Variants in ABTB3 observed in about 807,000 individuals in gnomAD.
ABTB3 encodes ankyrin repeat and BTB domain containing 3.
the ABTB3 span, among the ~76,000 whole-genome samples, chr12:107,453,038 G>T: frequency 6.6e-6 from 1 of 152,138 alleles, no homozygotes; most frequent in Non-Finnish European, 1.5e-5. Context: ...GAGGACAAAA[G>T]GTAGAGAAAG....
At chr12:107,529,860 C>G in the ABTB3 span, among the ~76,000 whole-genome samples, 1 of 152,138 alleles carries the variant, frequency 6.6e-6, no homozygotes. Context: ...GAGGCATGGT[C>G]TCTGCTTTTG....
the ABTB3 span, among the ~76,000 whole-genome samples, chr12:107,320,999 G>T: frequency 6.6e-6 from 1 of 152,166 alleles, no homozygotes; most frequent in Admixed American, 6.5e-5. Context: ...AAGGGGGTGG[G>T]GCCGGGGCGC....
At chr12:107,332,128 C>T in the ABTB3 span, among the ~76,000 whole-genome samples, 1 of 152,226 alleles carries the variant, frequency 6.6e-6, no homozygotes, top group Non-Finnish European at 1.5e-5. Context: ...TCACTTGGCT[C>T]AGGCCCAGGA....
At chr12:107,634,668 A>G in the ABTB3 span, among the ~76,000 whole-genome samples, 1 of 152,274 alleles carries the variant, frequency 6.6e-6, no homozygotes, top group African/African-American at 2.4e-5. Context: ...AGGGTCAAGG[A>G]CAAGCAGGCG....
At chr12:107,637,776 A>G in the ABTB3 span, among the ~76,000 whole-genome samples, 1 of 143,752 alleles carries the variant, frequency 7.0e-6, no homozygotes, top group South Asian at 2.3e-4. Context: ...CAAATCGGAG[A>G]GCACTGATTT....
chr12:107,432,196 C>T, the ABTB3 span, among the ~76,000 whole-genome samples: 1 of 152,176 alleles, frequency 6.6e-6, no homozygotes. Flanking sequence ...CCACCCACTT[C>T]TTCCTTCCTG....
chr12:107,325,089 A>T, the ABTB3 span, among the ~76,000 whole-genome samples: 4 of 152,256 alleles, frequency 2.6e-5, no homozygotes, highest in Admixed American at 1.3e-4. Context: ...TCCTCAAAAA[A>T]CAGATTATTC....
At chr12:107,454,022 A>C in the ABTB3 span, among the ~76,000 whole-genome samples, 3 of 152,196 alleles carry the variant, frequency 2.0e-5, no homozygotes, top group African/African-American at 7.2e-5. Flanking sequence ...GAAATCAAGA[A>C]TGCAGCTGGG....
chr12:107,383,307 G>A, the ABTB3 span, among the ~76,000 whole-genome samples: 1 of 152,196 alleles, frequency 6.6e-6, no homozygotes, highest in Non-Finnish European at 1.5e-5. Context: ...CCTGAGTTTA[G>A]CATTTGCCTC....
At chr12:107,457,859 G>A in the ABTB3 span, among the ~76,000 whole-genome samples, 1 of 152,338 alleles carries the variant, frequency 6.6e-6, no homozygotes, top group African/African-American at 2.4e-5. Flanking sequence ...AGTAAGAATG[G>A]AGACTTTGGC....
the ABTB3 span, among the ~76,000 whole-genome samples, chr12:107,383,386 G>A: frequency 1.3e-5 from 2 of 152,160 alleles, no homozygotes; most frequent in African/African-American, 4.8e-5. Context: ...AGGTCCCAGA[G>A]ACAGGCTGCC....
chr12:107,618,435 A>G, the ABTB3 span: 1 of 1,423,210 alleles, frequency 7.0e-7, no homozygotes, highest in Non-Finnish European at 9.6e-7. Context: ...TTAGGTCCAC[A>G]CACACATGAA....
the ABTB3 span, among the ~76,000 whole-genome samples, chr12:107,626,193 C>T: frequency 2.6e-5 from 4 of 152,126 alleles, no homozygotes; most frequent in African/African-American, 9.7e-5. Context: ...CTTTTAAAGT[C>T]TTCTTATGTT....
the ABTB3 span, among the ~76,000 whole-genome samples, chr12:107,384,494 G>A: frequency 6.6e-6 from 1 of 152,182 alleles, no homozygotes; most frequent in African/African-American, 2.4e-5. Context: ...GTCGTAGGTT[G>A]AGTTTCCTGG....
chr12:107,609,823 G>A, the ABTB3 span, among the ~76,000 whole-genome samples: 19 of 152,232 alleles, frequency 1.2e-4, no homozygotes, highest in African/African-American at 4.6e-4. Flanking sequence ...ATCTGTGTCT[G>A]TTTCCCCATG....
the ABTB3 span, among the ~76,000 whole-genome samples, chr12:107,355,628 T>C: frequency 6.6e-6 from 1 of 152,154 alleles, no homozygotes; most frequent in Non-Finnish European, 1.5e-5. Flanking sequence ...TGTAAAGATA[T>C]AAAATAATAA....
At chr12:107,616,671 G>A in the ABTB3 span, among the ~76,000 whole-genome samples, 4 of 152,238 alleles carry the variant, frequency 2.6e-5, no homozygotes, top group African/African-American at 9.6e-5. Context: ...CTACCCTAGT[G>A]CCCTCTGAGG....
At chr12:107,658,895 T>C in the ABTB3 span, 1 of 152,662 alleles carries the variant, frequency 6.6e-6, no homozygotes, top group Non-Finnish European at 1.5e-5. Context: ...GGATTCTTTC[T>C]GTATTCTGAG....
At chr12:107,394,505 C>A in the ABTB3 span, among the ~76,000 whole-genome samples, 3 of 152,164 alleles carry the variant, frequency 2.0e-5, no homozygotes, top group Non-Finnish European at 4.4e-5. Context: ...GAAATGAATG[C>A]AGATGGGCTT....
Sources: gnomAD v4.1 joint callset for allele counts (sites outside exome capture counted in the v4.1 genomes callset) on GRCh38, gnomAD v4.1.1 for gene constraint, MANE v1.5 for transcripts, NCBI Gene and HGNC (gene_info 2026-07-23, HGNC 2026-07-21) for gene names.